DIDO1: variants seen among roughly 807,000 people sequenced by gnomAD.
The protein encoded by DIDO1 is death inducer-obliterator 1.
In DIDO1, 16 loss-of-function variants were observed where a neutral mutation model predicts 99.4. The ratio of observed to expected loss-of-function variants is 0.16; its 90% CI spans 0.11 to 0.24. The LOEUF is 0.24. Ranked by LOEUF, DIDO1 falls within the 10% of genes least tolerant of loss-of-function variation. The pLI, the probability that DIDO1 is intolerant of heterozygous loss-of-function variation, is 1.00. For synonymous variants in DIDO1, 1,366 were observed against 1,239.1 expected, an observed-to-expected ratio of 1.10 and a Z score of -2.15; for missense variants, 2,996 against 3,014.0, an observed-to-expected ratio of 0.99 and a Z score of 0.14.
chr20:62,909,613 C>T (rs1387992145), intron 4 of DIDO1, 86 bp downstream of exon 4: 18 of 1,531,648 alleles, frequency 1.2e-5, no homozygotes, highest in African/African-American at 5.5e-5. Context: ...GTGCAGCACC[C>T]GTCCTGGGAG....
intron 15 of DIDO1, among the ~76,000 whole-genome samples, chr20:62,883,108 G>A (rs929375376): frequency 6.6e-6 from 1 of 151,668 alleles, no homozygotes; most frequent in Non-Finnish European, 1.5e-5. Flanking sequence ...GTTTTTAGTA[G>A]ATAAGAGGTT....
At chr20:62,934,842 C>T (rs1468570447) in intron 1 of DIDO1, among the ~76,000 whole-genome samples, 6 of 152,194 alleles carry the variant, frequency 3.9e-5, no homozygotes, top group South Asian at 4.1e-4. Context: ...CTTCAGGGAG[C>T]GCCTTTGAAG....
chr20:62,926,898 A>G (rs2065266701), upstream of DIDO1, among the ~76,000 whole-genome samples: 1 of 152,032 alleles, frequency 6.6e-6, no homozygotes, highest in Non-Finnish European at 1.5e-5. Context: ...AATTTGTAAG[A>G]GGTGTAGGGG....
Position 62,879,335 on chromosome 20 carries a change from C to T in DIDO1, c.6621G>A (p.Arg2207=), listed in dbSNP as rs2064155195. 1 of 1,557,058 alleles carries T rather than the reference C, an allele frequency of 6.4e-7. No homozygotes were observed. Among genetic ancestry groups the T allele is most frequent in the Non-Finnish European group, 8.7e-7 (1 of 1,152,880 alleles). Residue 2207 remains arginine, a synonymous_variant, in exon 16 of 16, where the codon CGG becomes CGA. Transcript: ENST00000395343. The surrounding 1 kb of genome is among the most constrained non-coding windows in gnomAD (Gnocchi z 6.3). ...TGCTCCGGTCCTTGCGGTCGCGGCCCCGCTCCCTGTCCCTGGCCTTGTCTC... is the reference window on the plus strand; with the variant it reads ...TGCTCCGGTCCTTGCGGTCGCGGCCTCGCTCCCTGTCCCTGGCCTTGTCTC... ...RDRDKARDRE[R]GRDRKDRSKS... is the part of the protein sequence containing the mutation.
At chr20:62,884,124 C>A (rs958143734) in intron 15 of DIDO1, among the ~76,000 whole-genome samples, 1 of 152,164 alleles carries the variant, frequency 6.6e-6, no homozygotes, top group Non-Finnish European at 1.5e-5. Context: ...CGTAAAGCAC[C>A]GAGGTGCTCA....
At chr20:62,929,693 G>GTATATATATATATATATATATA (rs565069048), upstream of DIDO1, among the ~76,000 whole-genome samples, 1,877 of 97,530 alleles carry the variant, frequency 0.019, 230 homozygotes, top group African/African-American at 0.034. Context: ...AAAAGAAAAA[G>GTATATATATATATATATATATA]TGTATATATA....
At chr20:62,882,681 A>G (rs946160420) in intron 15 of DIDO1, among the ~76,000 whole-genome samples, 3 of 152,160 alleles carry the variant, frequency 2.0e-5, no homozygotes, top group African/African-American at 7.2e-5. Flanking sequence ...GGGGGCGACT[A>G]ACCCCTCGTC....
In DIDO1 at chr20:62,894,227, C is replaced by T; in HGVS notation, c.2573-33G>A. On this transcript the variant is annotated intron_variant, in intron 11 of 15. Transcript: ENST00000395343. The surrounding 1 kb of genome is among the most constrained non-coding windows in gnomAD (Gnocchi z 4.4). ...AGGCGAGGAAAGGCTCTGTGAGAAA[C>T]CCAGCCGGCACACTGGTGTTTCTCA... 1 of 1,599,698 alleles carries T rather than the reference C, an allele frequency of 6.3e-7. No homozygotes were observed. The highest frequency in any genetic ancestry group is 8.5e-7 in the Non-Finnish European group (1 of 1,170,442).
chr20:62,897,452 G>T (rs2064561829), intron 6 of DIDO1, among the ~76,000 whole-genome samples: 1 of 152,148 alleles, frequency 6.6e-6, no homozygotes, highest in East Asian at 1.9e-4. Flanking sequence ...CGGTGGGTGG[G>T]GTTTACACAT....
At chr20:62,913,524 T>A (rs1035694932) in intron 2 of DIDO1, among the ~76,000 whole-genome samples, 5 of 152,238 alleles carry the variant, frequency 3.3e-5, no homozygotes, top group Admixed American at 6.5e-5. Flanking sequence ...TTAAACCACA[T>A]CAGTTAAAAT....
chr20:62,880,188 A>G lies in DIDO1; in HGVS notation c.5768T>C (p.Phe1923Ser). ...GGQRGPPPGH[F>S]VGPRGPHPSQ... ...AGGATGGGGCCCTCTTGGGCCCACG[A>G]AATGACCAGGGGGTGGTCCTCTCTG... Residue 1923 changes from phenylalanine to serine, a missense_variant, in exon 16 of 16, where the codon TTC becomes TCC. By Grantham distance (155) the Phe-to-Ser change is radical (BLOSUM62 -2). Transcript: ENST00000395343. The G allele has an allele frequency of 1.2e-6, 2 of 1,612,352 alleles. No individual in the cohort carries two copies. Among genetic ancestry groups the G allele is most frequent in the Non-Finnish European group, 1.7e-6 (2 of 1,179,848 alleles).
Position 62,889,937 on chromosome 20 carries a change from A to C in DIDO1, c.3541+1023T>G, listed in dbSNP as rs560008854. 5.1e-6 allele frequency: 5 copies of C among 985,474 alleles called. No individual in the cohort carries two copies. The South Asian group carries it at 2.3e-4, about 46-fold the overall frequency. 61.0% of individuals were successfully genotyped at this position (985,474 alleles called of 1,614,324 possible). A position where few individuals can be genotyped will look rare whatever the true frequency, so the allele number is the denominator to read the frequency against. ...GGCTGAGCCCACTCCAGCTGTGAAG[A>C]ATGGGCTCCAGTAGGAACGTGGGCT... On this transcript the variant is annotated intron_variant, in intron 15 of 15. Transcript: ENST00000395343.
chr20:62,905,393 C>T, intron 6 of DIDO1: 1 of 1,459,018 alleles, frequency 6.9e-7, no homozygotes. Context: ...ACCTGAAAAT[C>T]AGATGCAACA....
intron 1 of DIDO1, among the ~76,000 whole-genome samples, chr20:62,926,087 C>A (rs1309915036): frequency 3.9e-5 from 6 of 152,186 alleles, no homozygotes; most frequent in Non-Finnish European, 7.4e-5. Context: ...CTCGCCCAGG[C>A]CAGCCCTGCG....
chr20:62,879,505 G>C lies in DIDO1; in HGVS notation c.6451C>G (p.Arg2151Gly). 6.3e-7 allele frequency: 1 copy of C among 1,597,466 alleles called. No homozygotes were observed. The change falls in exon 16 of 16, where the codon CGG becomes GGG. Residue 2151 changes from arginine (R) to glycine (G), a missense_variant. Around this residue, in one of 5 missense-constraint regions of DIDO1, gnomAD observed 1,562 missense variants for 1,412.6 expected, o/e 1.11. Transcript: ENST00000395343. The surrounding 1 kb of genome is among the most constrained non-coding windows in gnomAD (Gnocchi z 6.3). ...KDSSRDWDRNRERSANRDRER... is the reference protein window; with the variant it reads ...KDSSRDWDRNGERSANRDRER... Reference sequence around the variant, plus strand: ...CGGTCGCGGTTGGCGCTCCTCTCCCGGTTTCTGTCCCAGTCCCGGCTGGAG... The same window carrying C: ...CGGTCGCGGTTGGCGCTCCTCTCCCCGTTTCTGTCCCAGTCCCGGCTGGAG...
chr20:62,908,874 C>A (rs971867672), intron 4 of DIDO1, among the ~76,000 whole-genome samples: 1 of 152,146 alleles, frequency 6.6e-6, no homozygotes, highest in Non-Finnish European at 1.5e-5. Context: ...AAAACAGAAT[C>A]AATATATTTA....
chr20:62,907,198 T>C lies in DIDO1; in HGVS notation c.1323A>G (p.Glu441=), dbSNP rs2064826729. 1 of 1,614,128 alleles carries C rather than the reference T, an allele frequency of 6.2e-7. No homozygotes were observed. Among genetic ancestry groups the C allele is most frequent in the Non-Finnish European group, 8.5e-7 (1 of 1,180,052 alleles). ...GCTTCTCTGGCTTCATCTTCATCTT[T>C]TCTTTAGGCTTTGGCTTCTGTTCTT... is the stretch of plus-strand genomic sequence containing the variant. The part of the protein sequence containing the change: ...SGKEQKPKPK[E]KMKMKPEKPS... The change falls in exon 5 of 16, where the codon GAA becomes GAG. Residue 441 remains glutamate (E), a synonymous_variant. Coordinates refer to ENST00000395343, the MANE Select transcript of DIDO1 (RefSeq NM_001193369.2).
Position 62,880,279 on chromosome 20 carries a change from T to C in DIDO1, c.5677A>G (p.Arg1893Gly). 1.2e-6 allele frequency: 2 copies of C among 1,612,732 alleles called. No individual in the cohort carries two copies. Among genetic ancestry groups the C allele is most frequent in the Non-Finnish European group, 1.7e-6 (2 of 1,179,952 alleles). ...GGAPFQFGGQ[R>G]RPLLSQLKGP... Reference sequence around the variant, plus strand: ...TTCAGCTGAGACAGCAGTGGCCTTCTCTGGCCTCCGAACTGGAAAGGCGCG... The same window carrying C: ...TTCAGCTGAGACAGCAGTGGCCTTCCCTGGCCTCCGAACTGGAAAGGCGCG... Residue 1893 changes from arginine (R) to glycine (G), a missense_variant, in exon 16 of 16, where the codon AGA becomes GGA. Transcript: ENST00000395343.
chr20:62,878,975 T>C lies in DIDO1; in HGVS notation c.*258A>G. ...GTTATTGGAAAAGATAACTATGATC[T>C]GAAAAGCAATATGCTCCGTAGGCAA... On this transcript the variant is annotated 3_prime_UTR_variant, in exon 16 of 16. Coordinates refer to ENST00000395343, the MANE Select transcript of DIDO1 (RefSeq NM_001193369.2). 2.5e-6 allele frequency: 1 copy of C among 396,026 alleles called. No individual in the cohort carries two copies. The highest frequency in any genetic ancestry group is 2.1e-5 in the African/African-American group (1 of 48,262). The allele number at this position is 396,026 out of a possible 1,614,324, so 24.5% of individuals were successfully genotyped here.
Sources: allele counts gnomAD v4.1 joint callset (sites outside exome capture counted in the v4.1 genomes callset), GRCh38; gene constraint gnomAD v4.1.1; regional missense constraint gnomAD v4.1.1; non-coding constraint Gnocchi (gnomAD v3.1); transcripts MANE v1.5; gene names NCBI Gene and HGNC (gene_info 2026-07-23, HGNC 2026-07-21).